ACAD11: variants seen among roughly 807,000 people sequenced by gnomAD.
ACAD11 encodes acyl-Coenzyme A dehydrogenase family, member 11.
Under a neutral mutation model 102.2 loss-of-function variants are expected in ACAD11, and 83 were observed. The ratio of observed to expected loss-of-function variants is 0.81; its 90% CI spans 0.68 to 0.97. The LOEUF is 0.97. Ranked by LOEUF, ACAD11 falls within the 50% of genes least tolerant of loss-of-function variation. The pLI is 0.00. For synonymous variants in ACAD11, 324 were observed against 319.8 expected (o/e 1.01, Z -0.14); for missense variants, 901 against 951.7 (o/e 0.95, Z 0.70).
rs1439156821 is a variant in ACAD11, at chr3:132,630,556, T to A, written c.844A>T (p.Ile282Leu). 6.9e-6 allele frequency: 11 copies of A among 1,605,832 alleles called. No homozygotes were observed. The highest frequency in any genetic ancestry group is 9.3e-6 in the Non-Finnish European group (11 of 1,176,776). The part of the protein sequence containing the change: ...NQGSYSENSG[I>L]PSMEELISIY... Reference sequence around the variant, plus strand: ...GAAATCAGTTCTTCCATTGATGGTATCCCTATAAAAACAGCATGTAATATA... The same window carrying A: ...GAAATCAGTTCTTCCATTGATGGTAACCCTATAAAAACAGCATGTAATATA... Residue 282 changes from isoleucine to leucine, a missense_variant and splice_region_variant, in exon 7 of 20, where the codon ATA becomes TTA. Coordinates refer to ENST00000264990, the MANE Select transcript of ACAD11 (RefSeq NM_032169.5).
intron 5 of ACAD11, among the ~76,000 whole-genome samples, chr3:132,633,749 A>G (rs957904308): frequency 1.3e-5 from 2 of 152,188 alleles, no homozygotes; most frequent in Admixed American, 6.5e-5. Context: ...CGGAAATAAT[A>G]CCACACATCT....
intron 13 of ACAD11, among the ~76,000 whole-genome samples, chr3:132,602,431 G>A (rs1049524729): frequency 2.6e-5 from 4 of 151,958 alleles, no homozygotes; most frequent in Non-Finnish European, 5.9e-5. Context: ...TACCACTGCC[G>A]ATTGACTAAA....
At chr3:132,611,524 A>G (rs1246230457) in intron 11 of ACAD11, among the ~76,000 whole-genome samples, 2 of 152,230 alleles carry the variant, frequency 1.3e-5, no homozygotes, top group African/African-American at 4.8e-5. Flanking sequence ...GCTTCAGCAA[A>G]GTCTCAGGAT....
chr3:132,562,477 G>A (rs925530022), intron 17 of ACAD11, among the ~76,000 whole-genome samples: 4 of 152,206 alleles, frequency 2.6e-5, no homozygotes, highest in Admixed American at 6.5e-5. Context: ...GATAGCAGGA[G>A]TAGAATTGTT....
chr3:132,631,430 G>A lies in ACAD11; in HGVS notation c.752C>T (p.Pro251Leu), dbSNP rs780764956. ...LDWELSTIGH[P>L]LSDLAHFSLF... ...GGAAAAATGAGCTAAGTCTGACAAA[G>A]GATGACCAATGGTTGACAGCTCCCA... Residue 251 changes from proline (P) to leucine (L), a missense_variant, in exon 6 of 20, where the codon CCT becomes CTT. By Grantham distance (98) the Pro-to-Leu change is moderately conservative. Coordinates refer to ENST00000264990, the MANE Select transcript of ACAD11 (RefSeq NM_032169.5). The A allele has an allele frequency of 8.3e-6, 13 of 1,564,528 alleles. No homozygotes were observed. The highest frequency in any genetic ancestry group is 1.0e-5 in the Non-Finnish European group (12 of 1,152,756).
chr3:132,646,166 C>T (rs1265265254), intron 1 of ACAD11, among the ~76,000 whole-genome samples: 3 of 152,102 alleles, frequency 2.0e-5, no homozygotes, highest in Non-Finnish European at 4.4e-5. Flanking sequence ...TTAGTAGAGA[C>T]GGGGTTTCAC....
intron 9 of ACAD11, among the ~76,000 whole-genome samples, chr3:132,624,422 T>C (rs1939729118): frequency 6.6e-6 from 1 of 150,910 alleles, no homozygotes; most frequent in African/African-American, 2.4e-5. Flanking sequence ...CTGGCCAATA[T>C]GGTGAAACTC....
intron 11 of ACAD11, among the ~76,000 whole-genome samples, chr3:132,612,562 G>A (rs1939204322): frequency 6.6e-6 from 1 of 151,950 alleles, no homozygotes; most frequent in African/African-American, 2.4e-5. Flanking sequence ...ACAAGTGGGT[G>A]AACGATATGA....
chr3:132,601,809 T>C (rs1315225267), intron 13 of ACAD11: 2 of 341,176 alleles, frequency 5.9e-6, no homozygotes, highest in Non-Finnish European at 1.2e-5. Flanking sequence ...ACACACATTG[T>C]ACCAATTTCA....
At chr3:132,615,359 T>C (rs1310476435) in intron 11 of ACAD11, among the ~76,000 whole-genome samples, 1 of 152,180 alleles carries the variant, frequency 6.6e-6, no homozygotes, top group Non-Finnish European at 1.5e-5. Flanking sequence ...CATTCTACTA[T>C]AAAGACACAT....
intron 17 of ACAD11, 24 bp from the exon 18 acceptor site, chr3:132,561,241 A>T: frequency 6.3e-7 from 1 of 1,579,274 alleles, no homozygotes; most frequent in Non-Finnish European, 8.7e-7. Context: ...AAAGGCAGCA[A>T]AAGAAGGAGG....
chr3:132,641,546 A>AATGATG (rs201936885), intron 4 of ACAD11, among the ~76,000 whole-genome samples: 12 of 131,708 alleles, frequency 9.1e-5, no homozygotes, highest in African/African-American at 2.8e-4. Flanking sequence ...TCTGTCTCAA[A>AATGATG]ATGATGATGA....
At chr3:132,631,698 ATT>A (rs751412558) in intron 5 of ACAD11, among the ~76,000 whole-genome samples, 48 of 152,300 alleles carry the variant, frequency 3.2e-4, no homozygotes, top group South Asian at 8.3e-4. Flanking sequence ...AGTCCTTCTC[ATT>A]TTACTTTACA....
chr3:132,601,074 C>T, intron 13 of ACAD11: 1 of 1,613,934 alleles, frequency 6.2e-7, no homozygotes, highest in Non-Finnish European at 8.5e-7. Flanking sequence ...ACAGCAAGGA[C>T]ACTCATGAAG....
intron 2 of ACAD11, 41 bp from the exon 3 acceptor site, chr3:132,642,843 T>C (rs1239454456): frequency 1.3e-6 from 2 of 1,581,054 alleles, no homozygotes; most frequent in Non-Finnish European, 1.7e-6. Flanking sequence ...GAGAAACTGA[T>C]TTAATTGTAA....
At chr3:132,636,311 T>C (rs541573659) in intron 5 of ACAD11, among the ~76,000 whole-genome samples, 1 of 152,340 alleles carries the variant, frequency 6.6e-6, no homozygotes, top group African/African-American at 2.4e-5. Context: ...AAATTATTTT[T>C]GATAGTTTTT....
rs199575347 is a variant in ACAD11, at chr3:132,576,919, A to C, written c.1846+25T>G. On this transcript the variant is annotated intron_variant, in intron 16 of 19. Transcript: ENST00000264990. ...CTGAAATATTAATGTACAATACTGA[A>C]GAATCATTTCCAAATTCAACTCACC... The C allele has an allele frequency of 2.4e-5, 37 of 1,513,508 alleles. No individual in the cohort carries two copies. The East Asian group carries it at 7.9e-4, about 32-fold the overall frequency. The allele number at this position is 1,513,508 out of a possible 1,614,324, so 93.8% of individuals were successfully genotyped here.
At chr3:132,590,527 A>G (rs1435583536) in intron 13 of ACAD11, among the ~76,000 whole-genome samples, 1 of 152,164 alleles carries the variant, frequency 6.6e-6, no homozygotes, top group Non-Finnish European at 1.5e-5. Context: ...GATTACAGGC[A>G]TGATCCACCG....
intron 5 of ACAD11, among the ~76,000 whole-genome samples, chr3:132,633,238 G>A (rs1054366874): frequency 1.3e-5 from 2 of 152,156 alleles, no homozygotes; most frequent in African/African-American, 4.8e-5. Flanking sequence ...ATTATTTTGA[G>A]ATACGTCCCA....
Sources: allele counts gnomAD v4.1 joint callset (sites outside exome capture counted in the v4.1 genomes callset), GRCh38; gene constraint gnomAD v4.1.1; transcripts MANE v1.5; gene names NCBI Gene and HGNC (gene_info 2026-07-23, HGNC 2026-07-21).